DCLK1: variants seen among roughly 807,000 people sequenced by gnomAD.
DCLK1 encodes serine/threonine-protein kinase DCLK1.
Under a neutral mutation model 86.2 loss-of-function variants are expected in DCLK1, and 16 were observed. That is an observed-to-expected ratio of 0.19 (90% CI 0.13 to 0.28). The LOEUF is 0.28. Ranked by LOEUF, DCLK1 falls within the 10% of genes least tolerant of loss-of-function variation. The pLI is 1.00. For missense variants in DCLK1, 590 were observed against 940.2 expected, an observed-to-expected ratio of 0.63 and a Z score of 4.87; for synonymous variants, 369 against 370.5, an observed-to-expected ratio of 1.00 and a Z score of 0.05.
At chr13:35,841,896 A>G (rs766751534) in intron 6 of DCLK1, among the ~76,000 whole-genome samples, 9 of 152,056 alleles carry the variant, frequency 5.9e-5, no homozygotes, top group Non-Finnish European at 1.2e-4. Flanking sequence ...GACCTTAAAT[A>G]TTACCTATTC....
rs1028004680 is a variant in DCLK1, at chr13:35,771,108, C to A, written c.*3427G>T. 1 of 152,320 alleles carries A rather than the reference C, an allele frequency of 6.6e-6. No individual in the cohort carries two copies. The highest frequency in any genetic ancestry group is 2.1e-4 in the South Asian group (1 of 4,824). The allele number at this position is 152,320 out of a possible 1,614,324, so 9.4% of individuals were successfully genotyped here. A position where few individuals can be genotyped will look rare whatever the true frequency, so the allele number is the denominator to read the frequency against. On this transcript the variant is annotated 3_prime_UTR_variant, in exon 17 of 17. Coordinates refer to ENST00000360631, the MANE Select transcript of DCLK1 (RefSeq NM_001330071.2). ...GTGGACGCCCTTGGCCAGTAAACAA[C>A]CATGATTTAATGTGCTTGAGACTTG... is the stretch of plus-strand genomic sequence containing the variant.
intron 3 of DCLK1, among the ~76,000 whole-genome samples, chr13:36,064,485 C>A (rs534074897): frequency 4.6e-5 from 7 of 151,986 alleles, no homozygotes; most frequent in African/African-American, 1.7e-4. Context: ...ATGGTGAAAC[C>A]CCATCTCTAC....
chr13:36,037,754 G>A lies in DCLK1; in HGVS notation c.723+74115C>T, dbSNP rs146757129. Among the ~76,000 whole-genome samples the A allele has an allele frequency of 2.4e-3, 365 of 152,156 alleles. 1 individual carries two copies. Among genetic ancestry groups the A allele is most frequent in the African/African-American group, 8.1e-3 (337 of 41,492 alleles). ...CTGTCTCAACCTCCCAAAGTGCTGG[G>A]ATTACAGGCATGAGCCACCATGCCC... is the stretch of plus-strand genomic sequence containing the variant. On this transcript the variant is annotated intron_variant, in intron 3 of 16. Coordinates refer to ENST00000360631, the MANE Select transcript of DCLK1 (RefSeq NM_001330071.2).
chr13:35,855,919 TC>T, intron 5 of DCLK1: 2 of 967,426 alleles, frequency 2.1e-6, no homozygotes, highest in Non-Finnish European at 2.5e-6. Flanking sequence ...CAATAACTCT[TC>T]TAAAGCCTGG....
intron 5 of DCLK1, among the ~76,000 whole-genome samples, chr13:35,862,571 A>G (rs1871482161): frequency 6.6e-6 from 1 of 151,914 alleles, no homozygotes; most frequent in Admixed American, 6.6e-5. Context: ...ATCCCCTTTC[A>G]CTTCATAATA....
At chr13:36,101,129 C>G (rs1381420536) in intron 3 of DCLK1, among the ~76,000 whole-genome samples, 1 of 152,154 alleles carries the variant, frequency 6.6e-6, no homozygotes, top group Non-Finnish European at 1.5e-5. Context: ...GGAAGCAGCA[C>G]AGGGATCATA....
intron 4 of DCLK1, among the ~76,000 whole-genome samples, chr13:35,907,168 C>T (rs1566596538): frequency 6.6e-6 from 1 of 152,084 alleles, no homozygotes; most frequent in Non-Finnish European, 1.5e-5. Flanking sequence ...TATTCATTTT[C>T]CTTTATTTAT....
chr13:35,901,992 G>C (rs1355881607), intron 4 of DCLK1, among the ~76,000 whole-genome samples: 1 of 152,096 alleles, frequency 6.6e-6, no homozygotes, highest in East Asian at 1.9e-4. Context: ...GAACATAATA[G>C]AACGGTTTAT....
intron 5 of DCLK1, among the ~76,000 whole-genome samples, chr13:35,866,354 G>T (rs907137608): frequency 6.6e-6 from 1 of 151,948 alleles, no homozygotes; most frequent in Non-Finnish European, 1.5e-5. Flanking sequence ...TCCAATTTCT[G>T]TATAATATAG....
At chr13:35,815,111 C>T (rs1051690102) in intron 11 of DCLK1, among the ~76,000 whole-genome samples, 1 of 152,136 alleles carries the variant, frequency 6.6e-6, no homozygotes, top group Admixed American at 6.5e-5. Flanking sequence ...GTATTTTGCA[C>T]AGGATTGTTT....
In DCLK1 at chr13:35,808,355, C is replaced by T. The variant is rs1253937205; in HGVS notation, c.1767-35G>A. The T allele has an allele frequency of 1.9e-6, 3 of 1,555,410 alleles. No homozygotes were observed. In the Admixed American group the frequency reaches 5.0e-5, roughly 26 times the overall value. ...TGAACGACAACAAGGAAAAACAGCA[C>T]TAAGATATCAACTCAGTGTACATCT... On this transcript the variant is annotated intron_variant, in intron 13 of 16. Coordinates refer to ENST00000360631, the MANE Select transcript of DCLK1 (RefSeq NM_001330071.2).
chr13:35,890,007 A>G (rs1428543115), intron 4 of DCLK1, among the ~76,000 whole-genome samples: 1 of 152,152 alleles, frequency 6.6e-6, no homozygotes, highest in East Asian at 1.9e-4. Context: ...AGATTTTAAC[A>G]GTGTTTGTTT....
chr13:36,010,304 A>C (rs1315692283), intron 3 of DCLK1, among the ~76,000 whole-genome samples: 19 of 115,916 alleles, frequency 1.6e-4, no homozygotes, highest in African/African-American at 5.6e-4. Flanking sequence ...GTCTTGTGCC[A>C]GTTTTCAAAG....
intron 4 of DCLK1, among the ~76,000 whole-genome samples, chr13:35,941,724 C>T (rs12860555): frequency 0.054 from 8,175 of 152,236 alleles, 295 homozygotes; most frequent in Middle Eastern, 0.12. Context: ...GTTTACATTT[C>T]TTCTACAGTT....
rs372524129 is a variant in DCLK1 at position 35,847,812 on chromosome 13, C to T, written c.1035+6687G>A. The T allele has an allele frequency of 2.5e-5, 25 of 984,870 alleles. No individual in the cohort carries two copies. The African/African-American group carries it at 2.8e-4, about 11-fold the overall frequency. 61.0% of individuals were successfully genotyped at this position (984,870 alleles called of 1,614,324 possible). Reference sequence around the variant, plus strand: ...TAATATTTAGATGAGCCAATATATGCGCACAGGGATGTATACAGATGAGAG... The same window carrying T: ...TAATATTTAGATGAGCCAATATATGTGCACAGGGATGTATACAGATGAGAG... On this transcript the variant is annotated intron_variant, in intron 6 of 16. Transcript: ENST00000360631.
At chr13:36,071,914 GA>G (rs1217381622) in intron 3 of DCLK1, among the ~76,000 whole-genome samples, 1 of 152,070 alleles carries the variant, frequency 6.6e-6, no homozygotes, top group African/African-American at 2.4e-5. Flanking sequence ...ATCAAAACTG[GA>G]AAAATATCAG....
intron 15 of DCLK1, among the ~76,000 whole-genome samples, chr13:35,802,505 T>G (rs1161666206): frequency 6.6e-6 from 1 of 152,154 alleles, no homozygotes; most frequent in Non-Finnish European, 1.5e-5. Context: ...AATTTATGGA[T>G]GGTAAGCTTT....
At chr13:36,074,762 G>C (rs927444282) in intron 3 of DCLK1, among the ~76,000 whole-genome samples, 1 of 152,130 alleles carries the variant, frequency 6.6e-6, no homozygotes, top group Non-Finnish European at 1.5e-5. Context: ...CCCCATAAGC[G>C]GGTCCTAAGA....
At chr13:36,103,600 T>C (rs983305088) in intron 3 of DCLK1, among the ~76,000 whole-genome samples, 12 of 152,130 alleles carry the variant, frequency 7.9e-5, no homozygotes, top group African/African-American at 2.9e-4. Context: ...TGTCCTTTTG[T>C]TTCTAAGGCA....
Sources: gnomAD v4.1 joint callset for allele counts (sites outside exome capture counted in the v4.1 genomes callset) on GRCh38, gnomAD v4.1.1 for gene constraint, MANE v1.5 for transcripts, NCBI Gene and HGNC (gene_info 2026-07-23, HGNC 2026-07-21) for gene names.